Variants in TAFA2 observed in about 807,000 individuals in gnomAD.
TAFA2 encodes TAFA chemokine like family member 2.
TAFA2 carries 7 observed loss-of-function variants against 18.8 expected under a neutral mutation model. The observed-to-expected ratio is 0.37, with a 90% confidence interval of 0.21 to 0.70. The LOEUF (loss-of-function observed/expected upper bound fraction) is 0.70, where lower values mean the gene tolerates loss of function less well. Among genes scored for constraint, TAFA2 ranks in the 30% least tolerant of loss-of-function variants. The pLI is 0.53. For synonymous variants in TAFA2, 60 were observed against 54.2 expected, an observed-to-expected ratio of 1.11 and a Z score of -0.47; for missense variants, 122 against 158.1, an observed-to-expected ratio of 0.77 and a Z score of 1.23.
At chr12:61,905,499 AT>A (rs1311698504) in intron 1 of TAFA2, among the ~76,000 whole-genome samples, 10 of 152,320 alleles carry the variant, frequency 6.6e-5, no homozygotes, top group African/African-American at 2.4e-4. Context: ...TCTTGATATT[AT>A]TTCATTAGCA....
rs1050505305 is a variant in TAFA2 at position 61,709,502 on chromosome 12, C to T, written c.*904G>A. 6.6e-6 allele frequency: 1 copy of T among 152,040 alleles called. No individual in the cohort carries two copies. The highest frequency in any genetic ancestry group is 1.5e-5 in the Non-Finnish European group (1 of 67,990). The allele number at this position is 152,040 out of a possible 1,614,324, so 9.4% of individuals were successfully genotyped here. A position where few individuals can be genotyped will look rare whatever the true frequency, so the allele number is the denominator to read the frequency against. On this transcript the variant is annotated 3_prime_UTR_variant, in exon 5 of 5. Transcript: ENST00000416284. ...TTCAAGCTAAGAAATCAGAAACTCACATGCATCCCTGTCAATTTTTTTGAA... is the reference window on the plus strand; with the variant it reads ...TTCAAGCTAAGAAATCAGAAACTCATATGCATCCCTGTCAATTTTTTTGAA...
intron 2 of TAFA2, among the ~76,000 whole-genome samples, chr12:61,764,230 T>TGATAGATAGATA (rs140276194): frequency 0.13 from 19,856 of 150,064 alleles, 1,384 homozygotes; most frequent in Middle Eastern, 0.17. Flanking sequence ...GATGATTGAT[T>TGATAGATAGATA]GATAGATAGA....
chr12:61,924,043 A>G (rs916421545), intron 1 of TAFA2, among the ~76,000 whole-genome samples: 2 of 151,876 alleles, frequency 1.3e-5, no homozygotes, highest in Non-Finnish European at 2.9e-5. Context: ...GAGAGAAAAA[A>G]AAAAGAAAAG....
chr12:61,723,520 T>C (rs550788649), intron 4 of TAFA2, among the ~76,000 whole-genome samples: 15 of 152,262 alleles, frequency 9.9e-5, no homozygotes, highest in Middle Eastern at 3.4e-3. Context: ...GGTCAGTTCC[T>C]CAATCTTTAA....
intron 1 of TAFA2, among the ~76,000 whole-genome samples, chr12:61,945,897 AT>A (rs1464010933): frequency 2.0e-5 from 3 of 150,154 alleles, no homozygotes; most frequent in Non-Finnish European, 4.4e-5. Context: ...TAATTTACAG[AT>A]TCAATGCCAT....
rs115012635 is a variant in TAFA2 at position 62,133,111 on chromosome 12, A to T, written c.-2+58148T>A. Among the ~76,000 whole-genome samples, 672 of 152,002 alleles carry T rather than the reference A, an allele frequency of 4.4e-3. 6 individuals are homozygous for T. The highest frequency in any genetic ancestry group is 0.015 in the African/African-American group (623 of 41,496). On this transcript the variant is annotated intron_variant, in intron 1 of 4. Coordinates refer to ENST00000416284, the MANE Select transcript of TAFA2 (RefSeq NM_178539.5). ...CCACTATATGTCAATTTTGACACAC[A>T]GGCACCCCCAGCATTGTCACAACCC...
chr12:61,961,915 G>A (rs1304858623), intron 1 of TAFA2, among the ~76,000 whole-genome samples: 4 of 151,956 alleles, frequency 2.6e-5, no homozygotes, highest in Non-Finnish European at 5.9e-5. Context: ...TCCACAAATA[G>A]GATATAGCAT....
chr12:62,229,489 C>T lies in TAFA2; in HGVS notation c.-130+29274G>A, dbSNP rs979070253. 7.2e-5 allele frequency among the ~76,000 whole-genome samples: 11 copies of T among 151,908 alleles called. 1 individual carries two copies. The highest frequency in any genetic ancestry group is 4.6e-4 in the Admixed American group (7 of 15,248). ...ATGAAATGATCATATGGTTTTTGTTCTTGATTCTGTTAAGGTAATGCATAT... is the reference window on the plus strand; with the variant it reads ...ATGAAATGATCATATGGTTTTTGTTTTTGATTCTGTTAAGGTAATGCATAT... On this transcript the variant is annotated intron_variant, in intron 1 of 5. Transcript: ENST00000551619.
intron 2 of TAFA2, among the ~76,000 whole-genome samples, chr12:61,830,186 A>T (rs1300572284): frequency 6.6e-6 from 1 of 150,676 alleles, no homozygotes; most frequent in African/African-American, 2.4e-5. Context: ...TAAATGCTAT[A>T]TATATATGTA....
At chr12:61,955,260 A>G (rs769415267) in intron 1 of TAFA2, among the ~76,000 whole-genome samples, 4 of 152,072 alleles carry the variant, frequency 2.6e-5, no homozygotes, top group Non-Finnish European at 4.4e-5. Context: ...CTAAAGCACC[A>G]TATTATCCTG....
At chr12:61,899,308 C>T (rs866207847) in intron 1 of TAFA2, among the ~76,000 whole-genome samples, 3 of 152,062 alleles carry the variant, frequency 2.0e-5, no homozygotes, top group Admixed American at 1.3e-4. Context: ...TATAGCAGTG[C>T]CCCACTCTTG....
intron 1 of TAFA2, among the ~76,000 whole-genome samples, chr12:62,210,744 G>A (rs973498224): frequency 1.3e-5 from 2 of 152,090 alleles, no homozygotes; most frequent in Admixed American, 6.6e-5. Flanking sequence ...AGGATGTACC[G>A]ATTCCAAAAT....
chr12:61,784,102 A>G (rs1267300805), intron 2 of TAFA2, among the ~76,000 whole-genome samples: 1 of 151,446 alleles, frequency 6.6e-6, no homozygotes, highest in African/African-American at 2.4e-5. Context: ...GACTGAGGCC[A>G]TCTCTGGAAA....
intron 1 of TAFA2, among the ~76,000 whole-genome samples, chr12:62,122,886 T>C (rs1466100682): frequency 2.0e-5 from 3 of 152,150 alleles, no homozygotes; most frequent in Admixed American, 6.5e-5. Flanking sequence ...TCATAAACCA[T>C]ACCTTCTTTT....
At chr12:62,196,230 T>A (rs2062648737), upstream of TAFA2, among the ~76,000 whole-genome samples, 1 of 152,242 alleles carries the variant, frequency 6.6e-6, no homozygotes, top group African/African-American at 2.4e-5. Flanking sequence ...CTAAAAGGAA[T>A]GTTGTGGCTG....
At chr12:61,961,707 T>C (rs1421744813) in intron 1 of TAFA2, among the ~76,000 whole-genome samples, 1 of 151,986 alleles carries the variant, frequency 6.6e-6, no homozygotes, top group Non-Finnish European at 1.5e-5. Flanking sequence ...TTACTCCTTC[T>C]CTATGTAGTA....
chr12:62,016,123 G>C (rs1203208987), intron 1 of TAFA2, among the ~76,000 whole-genome samples: 1 of 152,158 alleles, frequency 6.6e-6, no homozygotes, highest in Non-Finnish European at 1.5e-5. Context: ...TTCAAACAAT[G>C]TAGTAGTCAT....
At chr12:62,234,287 A>G (rs1254733590) in intron 1 of TAFA2, 2 of 410,054 alleles carry the variant, frequency 4.9e-6, no homozygotes, top group African/African-American at 4.1e-5. Context: ...GTAGGCTCAA[A>G]AAACATTTGC....
chr12:61,923,098 G>A (rs987237674), intron 1 of TAFA2, among the ~76,000 whole-genome samples: 2 of 152,198 alleles, frequency 1.3e-5, no homozygotes, highest in African/African-American at 2.4e-5. Flanking sequence ...GCCCCAGTCA[G>A]GGGCATATAG....
Sources: allele counts gnomAD v4.1 joint callset (sites outside exome capture counted in the v4.1 genomes callset), GRCh38; gene constraint gnomAD v4.1.1; transcripts MANE v1.5; gene names NCBI Gene and HGNC (gene_info 2026-07-23, HGNC 2026-07-21).